Variants in AQP9 observed in about 807,000 individuals in gnomAD.
AQP9 encodes aquaporin 9.
In AQP9, 19 loss-of-function variants were observed where a neutral mutation model predicts 23.8. That is an observed-to-expected ratio of 0.80 (90% CI 0.56 to 1.17). The LOEUF is 1.17. AQP9 is among the 50% of genes most tolerant of loss of function. AQP9 has a pLI of 0.00. For missense variants in AQP9, 413 were observed against 362.0 expected, an observed-to-expected ratio of 1.14 and a Z score of -1.14; for synonymous variants, 153 against 131.5, an observed-to-expected ratio of 1.16 and a Z score of -1.12.
rs905234113 is a variant in AQP9 at position 58,184,281 on chromosome 15, T to A, written c.*146T>A. The A allele has an allele frequency of 1.2e-6, 1 of 821,058 alleles. No homozygotes were observed. Among genetic ancestry groups the A allele is most frequent in the Non-Finnish European group, 1.9e-6 (1 of 535,892 alleles). 50.9% of individuals were successfully genotyped at this position (821,058 alleles called of 1,614,324 possible). A position where few individuals can be genotyped will look rare whatever the true frequency, so the allele number is the denominator to read the frequency against. Reference sequence around the variant, plus strand: ...TGGGACATCTAATTGGAAAAGCATCTGCATAAAAGTTTGGAAACAATGACC... The same window carrying A: ...TGGGACATCTAATTGGAAAAGCATCAGCATAAAAGTTTGGAAACAATGACC... On this transcript the variant is annotated 3_prime_UTR_variant, in exon 6 of 6. Transcript: ENST00000219919.
chr15:58,142,195 C>T (rs1225558976), intron 1 of AQP9, among the ~76,000 whole-genome samples: 2 of 152,162 alleles, frequency 1.3e-5, no homozygotes, highest in African/African-American at 4.8e-5. Context: ...TCCAAATTCT[C>T]GTTCCTGTTT....
intron 4 of AQP9, among the ~76,000 whole-genome samples, chr15:58,176,548 T>G (rs529913956): frequency 2.0e-5 from 3 of 150,998 alleles, no homozygotes; most frequent in East Asian, 3.9e-4. Flanking sequence ...CATATTATAA[T>G]AGAAATTTGA....
intron 5 of AQP9, among the ~76,000 whole-genome samples, chr15:58,182,694 C>A (rs898154375): frequency 1.3e-5 from 2 of 152,140 alleles, no homozygotes; most frequent in African/African-American, 4.8e-5. Context: ...ACTGTGAGGG[C>A]GGCCGAGTAC....
At chr15:58,181,375 C>T (rs1416020555) in intron 5 of AQP9, among the ~76,000 whole-genome samples, 4 of 152,170 alleles carry the variant, frequency 2.6e-5, no homozygotes, top group African/African-American at 9.7e-5. Context: ...AGCTCTTACA[C>T]AAGGTTGAAG....
At chr15:58,172,731 C>T (rs544362198) in intron 2 of AQP9, among the ~76,000 whole-genome samples, 3 of 152,144 alleles carry the variant, frequency 2.0e-5, no homozygotes, top group African/African-American at 4.8e-5. Context: ...ATAGCTACAT[C>T]AGTCTGTTTG....
intron 1 of AQP9, among the ~76,000 whole-genome samples, chr15:58,147,369 A>G (rs761460068): frequency 3.3e-5 from 5 of 152,092 alleles, no homozygotes; most frequent in Non-Finnish European, 5.9e-5. Flanking sequence ...TGACCTAACA[A>G]CCCACAGATG....
chr15:58,144,905 T>G (rs1339781444), intron 1 of AQP9, among the ~76,000 whole-genome samples: 1 of 150,068 alleles, frequency 6.7e-6, no homozygotes, highest in Non-Finnish European at 1.5e-5. Flanking sequence ...TCCCAGCTAC[T>G]CAGGAGGCTG....
intron 1 of AQP9, chr15:58,152,531 C>T (rs1898170876): frequency 6.6e-6 from 1 of 152,120 alleles, no homozygotes; most frequent in South Asian, 2.1e-4. Context: ...ATAACCAAAA[C>T]ATTAGATTGT....
intron 2 of AQP9, among the ~76,000 whole-genome samples, chr15:58,167,826 G>A (rs1178392274): frequency 2.0e-5 from 3 of 151,942 alleles, no homozygotes; most frequent in Non-Finnish European, 2.9e-5. Flanking sequence ...GGGTTCAAGC[G>A]ATTCTCCCGC....
chr15:58,164,651 G>A (rs12441883), intron 1 of AQP9, among the ~76,000 whole-genome samples: 19,491 of 152,076 alleles, frequency 0.13, 1,774 homozygotes, highest in Admixed American at 0.3. Context: ...TTAACATTCA[G>A]CGTAGGGTAC....
chr15:58,157,597 G>A (rs142922016), intron 1 of AQP9, among the ~76,000 whole-genome samples: 35 of 152,276 alleles, frequency 2.3e-4, no homozygotes, highest in African/African-American at 8.4e-4. Context: ...CTCACTTCCA[G>A]TGTTAGGCAT....
chr15:58,162,645 T>C (rs530088676), intron 1 of AQP9, among the ~76,000 whole-genome samples: 1 of 152,068 alleles, frequency 6.6e-6, no homozygotes, highest in South Asian at 2.1e-4. Context: ...TGGTGCAGGG[T>C]TTAAGAGCAC....
chr15:58,143,032 A>G (rs773161995), intron 1 of AQP9, among the ~76,000 whole-genome samples: 7 of 152,160 alleles, frequency 4.6e-5, no homozygotes, highest in Admixed American at 6.5e-5. Flanking sequence ...GCATCATTCA[A>G]TTGAGAGAAC....
chr15:58,171,367 A>G (rs60912287), intron 2 of AQP9, among the ~76,000 whole-genome samples: 6,348 of 152,150 alleles, frequency 0.042, 317 homozygotes, highest in African/African-American at 0.12. Context: ...GATTACAGGC[A>G]TGAGCCACTG....
chr15:58,161,875 G>A (rs572119135), intron 1 of AQP9, among the ~76,000 whole-genome samples: 12 of 152,212 alleles, frequency 7.9e-5, no homozygotes, highest in Admixed American at 7.2e-4. Flanking sequence ...CTGAGAATGA[G>A]AAATAATATG....
chr15:58,161,113 G>T (rs972495681), intron 1 of AQP9, among the ~76,000 whole-genome samples: 7 of 152,130 alleles, frequency 4.6e-5, no homozygotes, highest in African/African-American at 1.7e-4. Context: ...GCTTCATCTG[G>T]CATGGTCTCT....
intron 2 of AQP9, among the ~76,000 whole-genome samples, chr15:58,168,177 A>G (rs1220315721): frequency 3.3e-5 from 5 of 151,626 alleles, no homozygotes; most frequent in African/African-American, 1.2e-4. Flanking sequence ...TACAGGTACG[A>G]GCCACCACAC....
chr15:58,159,472 G>A (rs1898329089), intron 1 of AQP9, among the ~76,000 whole-genome samples: 2 of 152,068 alleles, frequency 1.3e-5, no homozygotes, highest in African/African-American at 4.8e-5. Flanking sequence ...GTGTGATTGG[G>A]TGATCCATTG....
chr15:58,145,523 T>A (rs570962787), intron 1 of AQP9, among the ~76,000 whole-genome samples: 16 of 151,792 alleles, frequency 1.1e-4, no homozygotes, highest in South Asian at 4.2e-4. Context: ...ATATATATAT[T>A]TTTTAACTTA....
Sources: gnomAD v4.1 joint callset for allele counts (sites outside exome capture counted in the v4.1 genomes callset) on GRCh38, gnomAD v4.1.1 for gene constraint, MANE v1.5 for transcripts, NCBI Gene and HGNC (gene_info 2026-07-23, HGNC 2026-07-21) for gene names.